BRCA2: variants seen among roughly 807,000 people sequenced by gnomAD.
BRCA2 encodes BRCA2 DNA repair associated, also known as breast cancer type 2 susceptibility protein.
BRCA2 carries 203 observed loss-of-function variants against 276.7 expected under a neutral mutation model. That is an observed-to-expected ratio of 0.73 (90% CI 0.65 to 0.82). The LOEUF (loss-of-function observed/expected upper bound fraction) is 0.82. Among genes scored for constraint, BRCA2 ranks in the 40% least tolerant of loss-of-function variants. BRCA2 has a pLI of 0.00. For synonymous variants in BRCA2, 1,289 were observed against 1,338.4 expected, an observed-to-expected ratio of 0.96 and a Z score of 0.81; for missense variants, 3,920 against 3,915.0, an observed-to-expected ratio of 1.00 and a Z score of -0.03.
intron 2 of BRCA2, among the ~76,000 whole-genome samples, 160 bp downstream of exon 2, chr13:32,316,687 T>G (rs2072264136): frequency 6.6e-6 from 1 of 152,218 alleles, no homozygotes; most frequent in African/African-American, 2.4e-5. Flanking sequence ...GTTTGCAGGT[T>G]AACCACATGA....
At chr13:32,330,304 CAT>C (rs766332210) in intron 8 of BRCA2, among the ~76,000 whole-genome samples, 24 of 152,240 alleles carry the variant, frequency 1.6e-4, no homozygotes, top group Non-Finnish European at 3.1e-4. Context: ...AAAACCAGCT[CAT>C]ATGTCTTTCT....
At chr13:32,388,328 AG>A (rs2072975059) in intron 24 of BRCA2, among the ~76,000 whole-genome samples, 2 of 152,064 alleles carry the variant, frequency 1.3e-5, no homozygotes, top group South Asian at 4.1e-4. Context: ...CATGTTGCCC[AG>A]GGTGGTCTTG....
At chr13:32,321,939 CT>C (rs1038397445) in intron 3 of BRCA2, among the ~76,000 whole-genome samples, 5 of 149,328 alleles carry the variant, frequency 3.3e-5, no homozygotes, top group African/African-American at 4.9e-5. Flanking sequence ...ATTTTTTTAA[CT>C]TTTTTTTTTA....
chr13:32,371,474 C>T lies in BRCA2; in HGVS notation c.8632+374C>T, dbSNP rs139210671. ...TTATATGACATAAATTTTATTTTTTCGTATCTCCCTTTTGTTGTTGCTGAA... is the reference window on the plus strand; with the variant it reads ...TTATATGACATAAATTTTATTTTTTTGTATCTCCCTTTTGTTGTTGCTGAA... On this transcript the variant is annotated intron_variant, in intron 20 of 26. Coordinates refer to ENST00000380152, the MANE Select transcript of BRCA2 (RefSeq NM_000059.4). Among the ~76,000 whole-genome samples the T allele has an allele frequency of 8.8e-4, 133 of 151,812 alleles. No homozygotes were observed. The highest frequency in any genetic ancestry group is 1.4e-3 in the Non-Finnish European group (98 of 67,896).
intron 3 of BRCA2, 151 bp downstream of exon 3, chr13:32,319,476 T>C: frequency 1.3e-6 from 1 of 759,702 alleles, no homozygotes; most frequent in Non-Finnish European, 2.1e-6. Flanking sequence ...ATGGAGACGA[T>C]GAAAATAATG....
At chr13:32,330,195 AAAC>A (rs1383914581) in intron 8 of BRCA2, among the ~76,000 whole-genome samples, 1 of 152,210 alleles carries the variant, frequency 6.6e-6, no homozygotes, top group Admixed American at 6.5e-5. Context: ...CTGTCAATCA[AAAC>A]AACCTGTTCA....
chr13:32,319,035 T>A, intron 2 of BRCA2, 42 bp from the exon 3 acceptor site: 1 of 1,607,674 alleles, frequency 6.2e-7, no homozygotes, highest in Non-Finnish European at 8.5e-7. Flanking sequence ...CAAATTTGTC[T>A]GTCACTGGTT....
intron 7 of BRCA2, 52 bp from the exon 8 acceptor site, chr13:32,329,391 G>C (rs2072372196): frequency 1.1e-5 from 15 of 1,350,782 alleles, no homozygotes; most frequent in Non-Finnish European, 1.5e-5. Flanking sequence ...CAAAAAATAA[G>C]TTTTTGCATT....
intron 2 of BRCA2, among the ~76,000 whole-genome samples, chr13:32,317,525 C>G (rs907662970): frequency 6.6e-6 from 1 of 152,164 alleles, no homozygotes; most frequent in African/African-American, 2.4e-5. Flanking sequence ...TTTCAAAGAT[C>G]TAATAGATAT....
In BRCA2 at chr13:32,355,051, G is replaced by A. The variant is rs1244030146; in HGVS notation, c.7198G>A (p.Gly2400Ser). 1 of 1,613,910 alleles carries A rather than the reference G, an allele frequency of 6.2e-7. No homozygotes were observed. Among genetic ancestry groups the A allele is most frequent in the Non-Finnish European group, 8.5e-7 (1 of 1,179,974 alleles). ...NEKMRHLITT[G>S]RPTKVFVPPF... is the part of the protein sequence containing the mutation. The stretch of plus-strand genomic sequence containing the variant: ...AAAAATGAGACACTTGATTACTACA[G>A]GCAGACCAACCAAAGTCTTTGTTCC... The change falls in exon 14 of 27, where the codon GGC becomes AGC. Residue 2400 changes from glycine to serine, a missense_variant. Gly to Ser is a moderately conservative substitution (Grantham distance 56). This residue lies in a region of BRCA2 where 3,263 missense variants were observed against 3,156.9 expected (regional missense o/e 1.03). Transcript: ENST00000380152.
intron 13 of BRCA2, among the ~76,000 whole-genome samples, chr13:32,350,056 TAGAC>T (rs1401650204): frequency 7.9e-5 from 12 of 152,110 alleles, no homozygotes; most frequent in Admixed American, 7.9e-4. Flanking sequence ...TTCCAGAACA[TAGAC>T]AGCTAAGTTT....
At chr13:32,388,326 C>T (rs1330553140) in intron 24 of BRCA2, among the ~76,000 whole-genome samples, 1 of 152,006 alleles carries the variant, frequency 6.6e-6, no homozygotes, top group Non-Finnish European at 1.5e-5. Context: ...ACCATGTTGC[C>T]CAGGGTGGTC....
At chr13:32,365,850 T>A (rs1464384389) in intron 18 of BRCA2, among the ~76,000 whole-genome samples, 1 of 151,624 alleles carries the variant, frequency 6.6e-6, no homozygotes, top group Non-Finnish European at 1.5e-5. Context: ...GTGGTTCTTT[T>A]ATAATTTCCC....
At chr13:32,326,331 G>T (rs2137450985) in intron 6 of BRCA2, 49 bp downstream of exon 6, 1 of 1,577,618 alleles carries the variant, frequency 6.3e-7, no homozygotes, top group South Asian at 1.1e-5. Context: ...TTGAGAATTT[G>T]ACAATAGCGT....
rs786201377 is a variant in BRCA2 at position 32,338,624 on chromosome 13, T to C, written c.4269T>C (p.Thr1423=). Residue 1423 remains threonine (T), a synonymous_variant, in exon 11 of 27, where the codon ACT becomes ACC. Coordinates refer to ENST00000380152, the MANE Select transcript of BRCA2 (RefSeq NM_000059.4). ...AGCAAAATATAAAAGATTTTGAGAC[T>C]TCTGATACATTTTTTCAGACTGCAA... The part of the protein sequence containing the change: ...KTEQNIKDFE[T]SDTFFQTASG... The C allele has an allele frequency of 1.5e-5, 24 of 1,598,578 alleles. No homozygotes were observed. The Admixed American group carries it at 3.7e-4, about 25-fold the overall frequency.
In BRCA2 at chr13:32,336,549, G is replaced by C. The variant is rs1244303575; in HGVS notation, c.2194G>C (p.Glu732Gln). The change falls in exon 11 of 27, where the codon GAG (glutamate) becomes CAG (glutamine). Residue 732 changes from glutamate to glutamine, a missense_variant. Transcript: ENST00000380152. Reference sequence around the variant, plus strand: ...CAAAAAAGTTTCAGATATAAAAGAAGAGGTCTTGGCTGCAGCATGTCACCC... The same window carrying C: ...CAAAAAAGTTTCAGATATAAAAGAACAGGTCTTGGCTGCAGCATGTCACCC... ...KSKKVSDIKE[E>Q]VLAAACHPVQ... 1 of 1,614,056 alleles carries C rather than the reference G, an allele frequency of 6.2e-7. No individual in the cohort carries two copies. The highest frequency in any genetic ancestry group is 1.1e-5 in the South Asian group (1 of 91,074).
intron 21 of BRCA2, among the ~76,000 whole-genome samples, chr13:32,377,357 C>T (rs919126562): frequency 1.3e-5 from 2 of 152,076 alleles, no homozygotes; most frequent in Admixed American, 1.3e-4. Context: ...TTTGGGAGAC[C>T]GAGGCAGAAG....
intron 24 of BRCA2, among the ~76,000 whole-genome samples, chr13:32,386,381 C>T (rs1477100198): frequency 6.6e-6 from 1 of 152,116 alleles, no homozygotes; most frequent in Admixed American, 6.5e-5. Flanking sequence ...GCACTCCAGC[C>T]TGGGCCACAG....
At position 32,394,925 on chromosome 13, in the gene BRCA2, A is replaced by G. The variant is rs587782568; in HGVS notation, c.9493A>G (p.Thr3165Ala). ...AGAGACATTCAACAAAATGAAAAAT[A>G]CTGTTGAGGTAAGGTTACTTTTCAG... is the stretch of plus-strand genomic sequence containing the variant. Reference protein sequence around the residue: ...FQETFNKMKNTVENIDILCNE... With the variant: ...FQETFNKMKNAVENIDILCNE... Residue 3165 changes from threonine to alanine, a missense_variant, in exon 25 of 27, where the codon ACT (threonine) becomes GCT (alanine). By Grantham distance (58) the Thr-to-Ala change is moderately conservative (BLOSUM62 0). Coordinates refer to ENST00000380152, the MANE Select transcript of BRCA2 (RefSeq NM_000059.4). 15 of 1,613,952 alleles carry G rather than the reference A, an allele frequency of 9.3e-6. No homozygotes were observed. In the Admixed American group the frequency reaches 2.5e-4, roughly 27 times the overall value.
Sources: allele counts gnomAD v4.1 joint callset (sites outside exome capture counted in the v4.1 genomes callset), GRCh38; gene constraint gnomAD v4.1.1; regional missense constraint gnomAD v4.1.1; transcripts MANE v1.5; gene names NCBI Gene and HGNC (gene_info 2026-07-23, HGNC 2026-07-21).